PPM1G: variants seen among roughly 807,000 people sequenced by gnomAD.
The protein encoded by PPM1G is protein phosphatase, Mg2+/Mn2+ dependent 1G.
A neutral mutation model predicts 59.4 loss-of-function variants in PPM1G; 12 were observed. The ratio of observed to expected loss-of-function variants is 0.20; its 90% CI spans 0.13 to 0.33. The LOEUF (loss-of-function observed/expected upper bound fraction) is 0.33. Ranked by LOEUF, PPM1G falls within the 10% of genes least tolerant of loss-of-function variation. PPM1G has a pLI of 1.00. For synonymous variants in PPM1G, 245 were observed against 251.9 expected, an observed-to-expected ratio of 0.97 and a Z score of 0.26; for missense variants, 392 against 681.3, an observed-to-expected ratio of 0.58 and a Z score of 4.73.
intron 1 of PPM1G, chr2:27,392,854 G>C: frequency 6.8e-7 from 1 of 1,470,124 alleles, no homozygotes; most frequent in Non-Finnish European, 9.4e-7. Flanking sequence ...AGATTCGGGC[G>C]CTCCCATCTC....
intron 1 of PPM1G, among the ~76,000 whole-genome samples, chr2:27,399,887 C>T (rs1413549120): frequency 6.7e-6 from 1 of 149,102 alleles, no homozygotes; most frequent in East Asian, 1.9e-4. Context: ...TGGTATATAA[C>T]CAAGAGATAT....
At chr2:27,386,424 T>C (rs942253443) in intron 2 of PPM1G, 145 bp from the exon 3 acceptor site, 4 of 544,240 alleles carry the variant, frequency 7.3e-6, no homozygotes, top group Non-Finnish European at 1.3e-5. Context: ...TGAAGGACAC[T>C]GTTTGGGGAA....
chr2:27,384,525 A>G lies in PPM1G; in HGVS notation c.825+148T>C, dbSNP rs1378464511. On this transcript the variant is annotated intron_variant, in intron 5 of 9. Coordinates refer to ENST00000344034, the MANE Select transcript of PPM1G (RefSeq NM_177983.3). The surrounding 1 kb of genome is among the most constrained non-coding windows in gnomAD (Gnocchi z 4.8). ...AATGGTACCTGTGATGATGGAGCTC[A>G]ATGAATTCAAGACTAAAGCTTAGAA... 9.9e-7 allele frequency: 1 copy of G among 1,007,880 alleles called. No individual in the cohort carries two copies. Among genetic ancestry groups the G allele is most frequent in the African/African-American group, 1.6e-5 (1 of 62,244 alleles). The allele number at this position is 1,007,880 out of a possible 1,614,324, so 62.4% of individuals were successfully genotyped here. A position where few individuals can be genotyped will look rare whatever the true frequency, so the allele number is the denominator to read the frequency against.
chr2:27,385,435 T>C lies in PPM1G; in HGVS notation c.409+312A>G, dbSNP rs895745890. On this transcript the variant is annotated intron_variant, in intron 4 of 9. Transcript: ENST00000344034. This position sits in a 1 kb window ranked among gnomAD's most constrained non-coding sequence, Gnocchi z 4.1. ...AGGATTTAGGCTTAATGATTGGCTA[T>C]TGGGGCTAATAACTGCTCCAGTCTT... 4.7e-6 allele frequency: 2 copies of C among 423,172 alleles called. No individual in the cohort carries two copies. Among genetic ancestry groups the C allele is most frequent in the East Asian group, 8.2e-5 (2 of 24,538 alleles). The allele number at this position is 423,172 out of a possible 1,614,324, so 26.2% of individuals were successfully genotyped here.
intron 1 of PPM1G, among the ~76,000 whole-genome samples, chr2:27,408,895 A>T (rs1423180587): frequency 2.6e-5 from 4 of 152,242 alleles, no homozygotes; most frequent in Non-Finnish European, 4.4e-5. Flanking sequence ...ATTAAAATTT[A>T]AAAAGTTATT....
rs759872313 is a variant in PPM1G, at chr2:27,386,329, G to A, written c.191-50C>T. On this transcript the variant is annotated intron_variant, in intron 2 of 9. Coordinates refer to ENST00000344034, the MANE Select transcript of PPM1G (RefSeq NM_177983.3). ...CCTGGAGCACTGCTCCCCACACATA[G>A]AAAGTGATACAATATTTATATGCCA... 8.4e-6 allele frequency: 11 copies of A among 1,310,366 alleles called. No individual in the cohort carries two copies. In the East Asian group the frequency reaches 2.5e-4, roughly 30 times the overall value. The allele number at this position is 1,310,366 out of a possible 1,614,324, so 81.2% of individuals were successfully genotyped here.
chr2:27,386,477 G>C, intron 2 of PPM1G, 198 bp from the exon 3 acceptor site: 1 of 437,084 alleles, frequency 2.3e-6, no homozygotes, highest in Admixed American at 3.5e-5. Context: ...ATTCTCTCGG[G>C]TATAAATATC....
chr2:27,382,358 C>T lies in PPM1G; in HGVS notation c.1331+118G>A, dbSNP rs960448435. 25 of 1,546,654 alleles carry T rather than the reference C, an allele frequency of 1.6e-5. No homozygotes were observed. In the East Asian group the frequency reaches 4.0e-4, roughly 25 times the overall value. On this transcript the variant is annotated intron_variant, in intron 8 of 9. Transcript: ENST00000344034. The surrounding 1 kb of genome is among the most constrained non-coding windows in gnomAD (Gnocchi z 4.2). ...TCTCAGCTCTGCCTTAGTCTGGGTG[C>T]TCTTCACCCACCAAGAGGCCTAGGT...
At chr2:27,388,983 CA>C (rs1357180452) in intron 1 of PPM1G, among the ~76,000 whole-genome samples, 1 of 130,686 alleles carries the variant, frequency 7.7e-6, no homozygotes, top group African/African-American at 3.1e-5. Context: ...TTTCGACATT[CA>C]TTTTTAAATT....
chr2:27,392,902 G>T, intron 1 of PPM1G: 1 of 1,419,202 alleles, frequency 7.0e-7, no homozygotes, highest in Non-Finnish European at 9.8e-7. Context: ...TTCTTTGATG[G>T]CCTTCACTTG....
Position 27,409,486 on chromosome 2 carries a change from GC to G in PPM1G, c.-65del. On this transcript the variant is annotated 5_prime_UTR_variant, in exon 1 of 10. Coordinates refer to ENST00000344034, the MANE Select transcript of PPM1G (RefSeq NM_177983.3). Reference sequence around the variant, plus strand: ...GGGCGCGACCCGTGCCGGAGCCGAAGCCCCGGGGGTGCGCGCGGCAGGAGCA... The same window carrying G: ...GGGCGCGACCCGTGCCGGAGCCGAAGCCCGGGGGTGCGCGCGGCAGGAGCA... The G allele has an allele frequency of 7.2e-7, 1 of 1,385,662 alleles. No homozygotes were observed. The highest frequency in any genetic ancestry group is 9.3e-7 in the Non-Finnish European group (1 of 1,073,690). 85.8% of individuals were successfully genotyped at this position (1,385,662 alleles called of 1,614,324 possible).
chr2:27,405,889 G>A (rs1663349921), intron 1 of PPM1G, among the ~76,000 whole-genome samples: 2 of 151,998 alleles, frequency 1.3e-5, no homozygotes, highest in East Asian at 3.9e-4. Flanking sequence ...TGTAATCCCA[G>A]CTACTCAGGA....
rs563666064 is a variant in PPM1G at position 27,396,278 on chromosome 2, A to T, written c.121-9120T>A. 1.6e-3 allele frequency among the ~76,000 whole-genome samples: 250 copies of T among 152,204 alleles called. 1 individual carries two copies. The highest frequency in any genetic ancestry group is 0.01 in the Middle Eastern group (3 of 294). On this transcript the variant is annotated intron_variant, in intron 1 of 9. Transcript: ENST00000344034. ...CAGAGCAGGACTCCGTCTCAAAAAA[A>T]TTTTTTTTAAATTAGGCAGTCACTA...
At position 27,384,596 on chromosome 2, in the gene PPM1G, G is replaced by A. The variant is rs1040844421; in HGVS notation, c.825+77C>T. The stretch of plus-strand genomic sequence containing the variant: ...GATGTCAAAATAGGAGAAGGAAAGA[G>A]AGTTGAAAACTACAGACGGCAACCA... On this transcript the variant is annotated intron_variant, in intron 5 of 9. Transcript: ENST00000344034. The surrounding 1 kb of genome is among the most constrained non-coding windows in gnomAD (Gnocchi z 4.8). The A allele has an allele frequency of 6.1e-6, 9 of 1,477,202 alleles. No homozygotes were observed. The highest frequency in any genetic ancestry group is 8.2e-6 in the Non-Finnish European group (9 of 1,099,086). The allele number at this position is 1,477,202 out of a possible 1,614,324, so 91.5% of individuals were successfully genotyped here.
At position 27,381,520 on chromosome 2, in the gene PPM1G, T is replaced by A; in HGVS notation, c.*79A>T. On this transcript the variant is annotated 3_prime_UTR_variant, in exon 10 of 10. Coordinates refer to ENST00000344034, the MANE Select transcript of PPM1G (RefSeq NM_177983.3). ...CACACCTCATACCCACTGCTAAGGCTAAAGGAAAAAGACAAAACTCAGTCT... is the reference window on the plus strand; with the variant it reads ...CACACCTCATACCCACTGCTAAGGCAAAAGGAAAAAGACAAAACTCAGTCT... The A allele has an allele frequency of 6.4e-7, 1 of 1,561,204 alleles. No individual in the cohort carries two copies. Among genetic ancestry groups the A allele is most frequent in the Non-Finnish European group, 8.8e-7 (1 of 1,134,348 alleles).
intron 1 of PPM1G, among the ~76,000 whole-genome samples, chr2:27,390,586 C>T (rs866427140): frequency 2.0e-5 from 3 of 152,124 alleles, no homozygotes; most frequent in Admixed American, 6.6e-5. Context: ...AACAGCCATT[C>T]TGCAGACTTC....
chr2:27,388,137 G>T (rs923773433), intron 1 of PPM1G, among the ~76,000 whole-genome samples: 2 of 152,042 alleles, frequency 1.3e-5, no homozygotes, highest in Non-Finnish European at 2.9e-5. Context: ...GAGGCCAGGC[G>T]TGGTGGCTCA....
chr2:27,399,447 C>T (rs1053775988), intron 1 of PPM1G, among the ~76,000 whole-genome samples: 2 of 152,046 alleles, frequency 1.3e-5, no homozygotes, highest in African/African-American at 4.8e-5. Flanking sequence ...CCCAGGGAGG[C>T]GGATCCTTTG....
At chr2:27,392,738 T>G (rs1426979156) in intron 1 of PPM1G, 2 of 1,138,704 alleles carry the variant, frequency 1.8e-6, no homozygotes, top group African/African-American at 1.5e-5. Context: ...GCTGCCTTGG[T>G]GACAAGGTAA....
Sources: gnomAD v4.1 joint callset for allele counts (sites outside exome capture counted in the v4.1 genomes callset) on GRCh38, gnomAD v4.1.1 for gene constraint, Gnocchi (gnomAD v3.1) non-coding constraint, MANE v1.5 for transcripts, NCBI Gene and HGNC (gene_info 2026-07-23, HGNC 2026-07-21) for gene names.